Variants in TEC observed in about 807,000 individuals in gnomAD.
The protein encoded by TEC is tec protein tyrosine kinase.
In TEC, 72 loss-of-function variants were observed where a neutral mutation model predicts 93.0. The observed-to-expected ratio is 0.77, with a 90% confidence interval of 0.64 to 0.94. The LOEUF is 0.94. Ranked by LOEUF, TEC falls within the 40% of genes least tolerant of loss-of-function variation. The pLI, the probability that TEC is intolerant of heterozygous loss-of-function variation, is 0.00. For synonymous variants in TEC, 249 were observed against 247.7 expected (o/e 1.01, Z -0.05); for missense variants, 630 against 757.9 (o/e 0.83, Z 1.98).
chr4:48,172,972 G>T (rs569556614), intron 3 of TEC, among the ~76,000 whole-genome samples: 1 of 152,294 alleles, frequency 6.6e-6, no homozygotes, highest in South Asian at 2.1e-4. Flanking sequence ...GTGGTGTATT[G>T]TAATAACAAT....
rs1255759824 is a variant in TEC, at chr4:48,167,764, G to C, written c.671+14C>G. The C allele has an allele frequency of 6.2e-7, 1 of 1,612,760 alleles. No homozygotes were observed. Among genetic ancestry groups the C allele is most frequent in the Admixed American group, 1.7e-5 (1 of 60,002 alleles). On this transcript the variant is annotated intron_variant, in intron 7 of 17. Transcript: ENST00000381501. ...CTACCCACTGCATATCACACACATAGAGGGAATACTTACCCATATTTATCT... is the reference window on the plus strand; with the variant it reads ...CTACCCACTGCATATCACACACATACAGGGAATACTTACCCATATTTATCT...
intron 11 of TEC, among the ~76,000 whole-genome samples, chr4:48,146,977 T>C (rs1719943123): frequency 6.6e-6 from 1 of 152,180 alleles, no homozygotes; most frequent in Non-Finnish European, 1.5e-5. Context: ...CCACAAGTGG[T>C]AGGGTCTGGG....
intron 8 of TEC, among the ~76,000 whole-genome samples, chr4:48,157,273 C>T (rs1720440950): frequency 6.6e-6 from 1 of 152,126 alleles, no homozygotes; most frequent in Non-Finnish European, 1.5e-5. Context: ...CAGATTTCAT[C>T]TCAAGTCATA....
intron 8 of TEC, among the ~76,000 whole-genome samples, chr4:48,158,859 C>T (rs1482585629): frequency 6.6e-6 from 1 of 152,134 alleles, no homozygotes; most frequent in African/African-American, 2.4e-5. Flanking sequence ...TCTGAGGGAT[C>T]ATTTTTATGG....
intron 11 of TEC, 129 bp downstream of exon 11, chr4:48,149,428 G>C (rs1055857200): frequency 1.1e-5 from 10 of 930,732 alleles, no homozygotes; most frequent in Admixed American, 6.7e-5. Context: ...TTAATATGCA[G>C]TAATTTAAAA....
At chr4:48,205,010 A>G (rs1722656622) in intron 2 of TEC, among the ~76,000 whole-genome samples, 1 of 152,200 alleles carries the variant, frequency 6.6e-6, no homozygotes, top group African/African-American at 2.4e-5. Flanking sequence ...GCTTCACTGT[A>G]AGAAAGACCT....
chr4:48,227,655 A>C (rs997293501), intron 2 of TEC, among the ~76,000 whole-genome samples: 1 of 151,822 alleles, frequency 6.6e-6, no homozygotes, highest in Non-Finnish European at 1.5e-5. Flanking sequence ...AAAAAAAAAA[A>C]AAAAAACTAA....
chr4:48,204,015 C>T (rs1055040969), intron 2 of TEC, among the ~76,000 whole-genome samples: 10 of 152,182 alleles, frequency 6.6e-5, no homozygotes, highest in Non-Finnish European at 1.5e-4. Flanking sequence ...ACAGGATCTC[C>T]TTCTCAATTT....
At chr4:48,247,351 T>C (rs1261479281) in intron 1 of TEC, among the ~76,000 whole-genome samples, 1 of 152,116 alleles carries the variant, frequency 6.6e-6, no homozygotes, top group Non-Finnish European at 1.5e-5. Context: ...AAGTTAAACA[T>C]AGAATTTTCG....
chr4:48,171,438 A>C lies in TEC; in HGVS notation c.255T>G (p.Asp85Glu), dbSNP rs1180964661. Reference protein sequence around the residue: ...QNKYPFQVVHDANTLYIFAPS... With the variant: ...QNKYPFQVVHEANTLYIFAPS... ...GTGCAAAAATGTAAAGTGTGTTAGC[A>C]TCATGAACAACCTAAAATAAAACAA... The change falls in exon 4 of 18, where the codon GAT (aspartate) becomes GAG (glutamate). Residue 85 changes from aspartate (D) to glutamate (E), a missense_variant. This residue lies in a region of TEC where 335 missense variants were observed against 351.5 expected (regional missense o/e 0.95). Coordinates refer to ENST00000381501, the MANE Select transcript of TEC (RefSeq NM_003215.3). 6.2e-7 allele frequency: 1 copy of C among 1,613,548 alleles called. No individual in the cohort carries two copies. Among genetic ancestry groups the C allele is most frequent in the Non-Finnish European group, 8.5e-7 (1 of 1,179,800 alleles).
At chr4:48,213,180 T>G (rs1452160345) in intron 2 of TEC, among the ~76,000 whole-genome samples, 1 of 152,232 alleles carries the variant, frequency 6.6e-6, no homozygotes, top group African/African-American at 2.4e-5. Flanking sequence ...GTCATCTAAC[T>G]AGGTAATGGG....
intron 2 of TEC, among the ~76,000 whole-genome samples, chr4:48,208,459 AAAAC>A (rs1305076247): frequency 9.9e-5 from 15 of 152,132 alleles, no homozygotes; most frequent in African/African-American, 3.6e-4. Context: ...AAACAAAAAC[AAAAC>A]AAACAAAAAA....
chr4:48,140,445 A>G (rs1416744859), intron 15 of TEC, among the ~76,000 whole-genome samples: 1 of 152,232 alleles, frequency 6.6e-6, no homozygotes, highest in Non-Finnish European at 1.5e-5. Context: ...CAGATCAAGT[A>G]GCCACCCTCA....
intron 1 of TEC, among the ~76,000 whole-genome samples, chr4:48,242,786 A>G (rs989604801): frequency 6.6e-6 from 1 of 152,192 alleles, no homozygotes; most frequent in African/African-American, 2.4e-5. Context: ...TGTCTCTTTA[A>G]TATGACAAGT....
chr4:48,265,479 GTGTGTGTATATA>G (rs1483561687), intron 1 of TEC, among the ~76,000 whole-genome samples: 5 of 107,450 alleles, frequency 4.7e-5, no homozygotes, highest in African/African-American at 1.8e-4. Flanking sequence ...ACATATATAC[GTGTGTGTATATA>G]TGTGTGTATA....
chr4:48,259,448 G>A (rs1724435259), intron 1 of TEC, among the ~76,000 whole-genome samples: 1 of 152,184 alleles, frequency 6.6e-6, no homozygotes, highest in South Asian at 2.1e-4. Flanking sequence ...GGGCGCAGTG[G>A]CTCATGCCTG....
intron 1 of TEC, among the ~76,000 whole-genome samples, chr4:48,247,939 T>C (rs1724103247): frequency 6.6e-6 from 1 of 152,090 alleles, no homozygotes; most frequent in Non-Finnish European, 1.5e-5. Context: ...GAATTAAAAC[T>C]AAAAGGAGGA....
At chr4:48,225,326 CA>C (rs1723412795) in intron 2 of TEC, among the ~76,000 whole-genome samples, 1 of 152,160 alleles carries the variant, frequency 6.6e-6, no homozygotes, top group African/African-American at 2.4e-5. Flanking sequence ...AGGCACCTGC[CA>C]CCACACCCAG....
chr4:48,231,272 C>T (rs566229381), intron 1 of TEC, among the ~76,000 whole-genome samples: 1 of 152,328 alleles, frequency 6.6e-6, no homozygotes, highest in African/African-American at 2.4e-5. Flanking sequence ...AACCCAACAG[C>T]CAACTTAAGC....
Sources: gnomAD v4.1 joint callset for allele counts (sites outside exome capture counted in the v4.1 genomes callset) on GRCh38, gnomAD v4.1.1 for gene constraint, gnomAD v4.1.1 regional missense constraint, MANE v1.5 for transcripts, NCBI Gene and HGNC (gene_info 2026-07-23, HGNC 2026-07-21) for gene names.